STAG2: variants seen among roughly 807,000 people sequenced by gnomAD.
The protein encoded by STAG2 is STAG2 cohesin complex component.
A neutral mutation model predicts 108.1 loss-of-function variants in STAG2; 14 were observed. That is an observed-to-expected ratio of 0.13 (90% CI 0.09 to 0.20). The LOEUF is 0.20. Ranked by LOEUF, STAG2 falls within the 10% of genes least tolerant of loss-of-function variation. STAG2 has a pLI of 1.00. For missense variants in STAG2, 440 were observed against 940.9 expected (o/e 0.47, Z 6.96); for synonymous variants, 307 against 302.7 (o/e 1.01, Z -0.15).
chrX:124,096,933 C>G (rs1285869132), intron 34 of STAG2, among the ~76,000 whole-genome samples: 8 of 112,391 alleles, frequency 7.1e-5, no homozygotes, highest in Admixed American at 2.8e-4. Context: ...AATCCCAATA[C>G]TTTGGAAGGC....
intron 1 of STAG2, among the ~76,000 whole-genome samples, chrX:123,994,001 C>T (rs1447007665): frequency 9.0e-6 from 1 of 111,620 alleles, no homozygotes; most frequent in Non-Finnish European, 1.9e-5. Flanking sequence ...TTGTGTTTTG[C>T]TGTAACAGAA....
rs34997317 is a variant in STAG2, at chrX:124,014,979, C to CTTTT, written c.-162-6366_-162-6363dup. Among the ~76,000 whole-genome samples the CTTTT allele has an allele frequency of 4.0e-3, 178 of 44,516 alleles. 2 individuals carry two copies. Among genetic ancestry groups the CTTTT allele is most frequent in the African/African-American group, 5.9e-3 (61 of 10,328 alleles). 38.7% of individuals were successfully genotyped at this position (44,516 alleles called of 115,157 possible). ...TCATTGCTTAGTTTGACGTACTTTT[C>CTTTT]TTTTTTTTTTTTTTTTTTTTTTTTT... On this transcript the variant is annotated intron_variant, in intron 1 of 34. Coordinates refer to ENST00000371145, the MANE Select transcript of STAG2 (RefSeq NM_001042750.2).
chrX:123,978,663 T>C (rs1485636412), intron 1 of STAG2, among the ~76,000 whole-genome samples: 4 of 111,616 alleles, frequency 3.6e-5, no homozygotes, highest in Non-Finnish European at 7.5e-5. Context: ...TATATAGTAA[T>C]ACAGGTTGAG....
At chrX:124,009,392 CAGGTAGGTAGGTAGGT>C (rs748240892) in intron 1 of STAG2, among the ~76,000 whole-genome samples, 50 of 90,519 alleles carry the variant, frequency 5.5e-4, no homozygotes, top group African/African-American at 6.9e-4. Flanking sequence ...GTAATCTAAC[CAGGTAGGTAGGTAGGT>C]AGGTAGGTAG....
At chrX:123,988,621 A>G (rs2055304472) in intron 1 of STAG2, among the ~76,000 whole-genome samples, 1 of 111,716 alleles carries the variant, frequency 9.0e-6, no homozygotes, top group African/African-American at 3.2e-5. Context: ...TATGGTTGAT[A>G]TACTTTATGG....
At chrX:123,982,677 G>A (rs1602675649) in intron 1 of STAG2, among the ~76,000 whole-genome samples, 1 of 109,106 alleles carries the variant, frequency 9.2e-6, no homozygotes, top group South Asian at 3.9e-4. Flanking sequence ...GTGAGCCACC[G>A]CACCCTGCCG....
chrX:124,048,098 CAA>C (rs776007113), intron 9 of STAG2, among the ~76,000 whole-genome samples: 21 of 111,760 alleles, frequency 1.9e-4, no homozygotes, highest in African/African-American at 6.2e-4. Flanking sequence ...GTTTTCATAT[CAA>C]ATAGGCAAAG....
intron 7 of STAG2, among the ~76,000 whole-genome samples, chrX:124,043,919 G>A (rs186079743): frequency 2.7e-5 from 3 of 111,256 alleles, no homozygotes; most frequent in East Asian, 5.6e-4. Flanking sequence ...TTTGGGTCAC[G>A]GCTGTATTTC....
At chrX:124,008,167 GTTT>G (rs2147892742) in intron 1 of STAG2, among the ~76,000 whole-genome samples, 2 of 108,575 alleles carry the variant, frequency 1.8e-5, no homozygotes, top group Non-Finnish European at 3.8e-5. Context: ...GAGGAGAAAA[GTTT>G]TTCCCTTTCC....
At chrX:123,972,890 AAG>A (rs2054433276) in intron 1 of STAG2, among the ~76,000 whole-genome samples, 1 of 99,532 alleles carries the variant, frequency 1.0e-5, no homozygotes, top group Non-Finnish European at 2.0e-5. Flanking sequence ...AAAAAAAAAA[AAG>A]AACCGAATCA....
chrX:124,032,070 A>C (rs945073164), intron 5 of STAG2, among the ~76,000 whole-genome samples: 1 of 111,948 alleles, frequency 8.9e-6, no homozygotes, highest in African/African-American at 3.2e-5. Flanking sequence ...GGTAAAAAAT[A>C]ATTTGGTCAA....
At chrX:124,096,907 A>G (rs1029702283) in intron 34 of STAG2, among the ~76,000 whole-genome samples, 9 of 112,583 alleles carry the variant, frequency 8.0e-5, no homozygotes, top group Admixed American at 1.9e-4. Context: ...GGCCGGGCTC[A>G]GTGGCTCATG....
rs759672396 is a variant in STAG2 at position 124,017,279 on chromosome X, G to A, written c.-162-4088G>A. Among the ~76,000 whole-genome samples the A allele has an allele frequency of 1.2e-3, 136 of 109,317 alleles. 1 individual carries two copies. Among genetic ancestry groups the A allele is most frequent in the African/African-American group, 4.2e-3 (125 of 29,982 alleles). 94.9% of individuals were successfully genotyped at this position (109,317 alleles called of 115,157 possible). On this transcript the variant is annotated intron_variant, in intron 1 of 34. Transcript: ENST00000371145. ...GGCTGGATTGCAGTGGTGTGTTCTC[G>A]GCTCACTGCAACCTCCGCTTCCCGG...
At chrX:123,982,731 A>T (rs187090122) in intron 1 of STAG2, among the ~76,000 whole-genome samples, 1,253 of 84,059 alleles carry the variant, frequency 0.015, 24 homozygotes, top group African/African-American at 0.052. Context: ...TGTACACTTT[A>T]GTCTTTTTTT....
chrX:124,018,390 T>G (rs2056802735), intron 1 of STAG2, among the ~76,000 whole-genome samples: 2 of 111,984 alleles, frequency 1.8e-5, no homozygotes, highest in African/African-American at 6.5e-5. Flanking sequence ...CAAATGGTAT[T>G]AAGCACATTT....
chrX:124,010,183 T>A (rs754425047), intron 1 of STAG2, among the ~76,000 whole-genome samples: 15 of 111,730 alleles, frequency 1.3e-4, no homozygotes, highest in Non-Finnish European at 2.4e-4. Flanking sequence ...TTTAAGTGTA[T>A]AATTGAGTAA....
intron 5 of STAG2, among the ~76,000 whole-genome samples, chrX:124,032,678 CAT>C (rs749220382): frequency 5.4e-5 from 6 of 111,654 alleles, no homozygotes; most frequent in African/African-American, 9.8e-5. Context: ...CAAGTGAGAA[CAT>C]GTGGTATTTG....
intron 7 of STAG2, among the ~76,000 whole-genome samples, chrX:124,043,336 C>T (rs772599847): frequency 3.4e-4 from 37 of 109,302 alleles, no homozygotes; most frequent in Non-Finnish European, 5.9e-4. Flanking sequence ...GGGTGGTGGG[C>T]GGTGTGGGTT....
chrX:124,061,919 C>T, intron 17 of STAG2, 45 bp downstream of exon 17: 1 of 951,157 alleles, frequency 1.1e-6, no homozygotes. Flanking sequence ...TCCATTTCTC[C>T]TTTTTCAGTA....
Sources: allele counts gnomAD v4.1 joint callset (sites outside exome capture counted in the v4.1 genomes callset), GRCh38; gene constraint gnomAD v4.1.1; transcripts MANE v1.5; gene names NCBI Gene and HGNC (gene_info 2026-07-23, HGNC 2026-07-21).